The following SORBS2 variants were observed in gnomAD, a reference collection of about 807,000 sequenced individuals.
SORBS2 encodes sorbin and SH3 domain containing 2, also known as sorbin and SH3 domain-containing protein 2.
Under a neutral mutation model 97.7 loss-of-function variants are expected in SORBS2, and 46 were observed. The ratio of observed to expected loss-of-function variants is 0.47; its 90% confidence interval spans 0.37 to 0.60. The LOEUF (loss-of-function observed/expected upper bound fraction) is 0.60. Ranked by LOEUF, SORBS2 falls within the 20% of genes least tolerant of loss-of-function variation. The pLI is 0.00. For missense variants in SORBS2, 1,316 were observed against 1,282.3 expected (o/e 1.03, Z -0.40); for synonymous variants, 476 against 473.4 (o/e 1.01, Z -0.07).
intron 1 of SORBS2, among the ~76,000 whole-genome samples, chr4:185,861,888 C>T (rs1181741870): frequency 2.6e-5 from 4 of 152,142 alleles, no homozygotes; most frequent in Admixed American, 6.6e-5. Context: ...TGAGCCACTG[C>T]GCCCAGCCCT....
intron 2 of SORBS2, among the ~76,000 whole-genome samples, chr4:185,715,205 A>T (rs1371100182): frequency 6.6e-6 from 1 of 152,250 alleles, no homozygotes; most frequent in Admixed American, 6.5e-5. Flanking sequence ...TAAGACTAAA[A>T]GTAGAAGTTA....
chr4:185,591,578 CTG>C (rs1239748514), intron 13 of SORBS2, among the ~76,000 whole-genome samples: 1 of 152,162 alleles, frequency 6.6e-6, no homozygotes, highest in African/African-American at 2.4e-5. Flanking sequence ...TTTTGTGTAT[CTG>C]TGGGGAAAGT....
rs1041471682 is a variant in SORBS2, at chr4:185,585,803, G to A, written c.*1824C>T. 10 of 152,210 alleles carry A rather than the reference G, an allele frequency of 6.6e-5. No homozygotes were observed. The South Asian group carries it at 2.1e-3, about 32-fold the overall frequency. 9.4% of individuals were successfully genotyped at this position (152,210 alleles called of 1,614,324 possible). On this transcript the variant is annotated 3_prime_UTR_variant, in exon 15 of 15. Transcript: ENST00000418609. ...CTGAAGCCTTTAAAATATGAAGCTG[G>A]TTATGAACTTGACAGAAATCAAGGT...
chr4:185,819,745 G>A (rs1471583533), intron 1 of SORBS2, among the ~76,000 whole-genome samples: 1 of 152,132 alleles, frequency 6.6e-6, no homozygotes, highest in Non-Finnish European at 1.5e-5. Context: ...TCCTGCCTGG[G>A]GGTGTCCTTG....
intron 1 of SORBS2, among the ~76,000 whole-genome samples, chr4:185,925,966 A>C (rs1169292091): frequency 6.6e-6 from 1 of 152,200 alleles, no homozygotes; most frequent in African/African-American, 2.4e-5. Flanking sequence ...CTTTGATGGA[A>C]GGGAGGAGCG....
intron 2 of SORBS2, among the ~76,000 whole-genome samples, chr4:185,766,759 T>A (rs2098936231): frequency 6.6e-6 from 1 of 152,216 alleles, no homozygotes; most frequent in Non-Finnish European, 1.5e-5. Context: ...CATGTCAAGA[T>A]CTAGCATTAA....
chr4:185,626,977 G>A (rs764547989), exon 6 of SORBS2: 127 of 1,614,038 alleles, frequency 7.9e-5, no homozygotes, highest in Non-Finnish European at 1.0e-4. Flanking sequence ...CTGCAGGCTC[G>A]CTCTTCCTCC....
At chr4:185,933,187 A>C (rs1329435181) in intron 1 of SORBS2, 2 of 152,228 alleles carry the variant, frequency 1.3e-5, no homozygotes, top group African/African-American at 4.8e-5. Context: ...CAAAGGCAGT[A>C]CGGTGCTCAT....
chr4:185,829,227 T>A (rs1397743424), intron 1 of SORBS2, among the ~76,000 whole-genome samples: 2 of 152,190 alleles, frequency 1.3e-5, no homozygotes, highest in African/African-American at 2.4e-5. Context: ...GGTCTAATAT[T>A]AAAATACTGG....
At chr4:185,694,252 G>A (rs2098138629) in intron 2 of SORBS2, among the ~76,000 whole-genome samples, 2 of 152,170 alleles carry the variant, frequency 1.3e-5, no homozygotes, top group African/African-American at 4.8e-5. Context: ...TACATAACAA[G>A]CACAGATTAT....
At chr4:185,752,859 T>G (rs2098809473) in intron 2 of SORBS2, among the ~76,000 whole-genome samples, 1 of 152,238 alleles carries the variant, frequency 6.6e-6, no homozygotes, top group Non-Finnish European at 1.5e-5. Flanking sequence ...CTGAAGAATC[T>G]GTATCCCTTT....
chr4:185,704,118 A>G (rs2098305210), intron 2 of SORBS2, among the ~76,000 whole-genome samples: 2 of 152,156 alleles, frequency 1.3e-5, no homozygotes, highest in African/African-American at 4.8e-5. Context: ...AATATTATCA[A>G]AAGTAAAGAC....
At chr4:185,709,173 C>G (rs1330483203) in intron 2 of SORBS2, among the ~76,000 whole-genome samples, 1 of 152,226 alleles carries the variant, frequency 6.6e-6, no homozygotes, top group Non-Finnish European at 1.5e-5. Flanking sequence ...CATGCACCAC[C>G]ACACCCAGCT....
chr4:185,766,051 C>T (rs13105380), intron 2 of SORBS2, among the ~76,000 whole-genome samples: 39,447 of 152,136 alleles, frequency 0.26, 5,392 homozygotes, highest in Admixed American at 0.34. Context: ...TAAGAGATGT[C>T]ACTCTGTAAG....
chr4:185,863,903 T>C lies in SORBS2; in HGVS notation c.-337-88537A>G, dbSNP rs531086985. ...AAGGGCTATATTTAACAATATGGGGTTCTTTAATTTTTTAGCTATGAAATA... is the reference window on the plus strand; with the variant it reads ...AAGGGCTATATTTAACAATATGGGGCTCTTTAATTTTTTAGCTATGAAATA... On this transcript the variant is annotated intron_variant, in intron 1 of 20. Transcript: ENST00000284776. 1.8e-3 allele frequency among the ~76,000 whole-genome samples: 270 copies of C among 152,300 alleles called. 1 individual carries two copies. Among genetic ancestry groups the C allele is most frequent in the African/African-American group, 6.1e-3 (253 of 41,568 alleles).
chr4:185,710,118 G>A (rs62334777), intron 2 of SORBS2, among the ~76,000 whole-genome samples: 1 of 98,590 alleles, frequency 1.0e-5, no homozygotes, highest in African/African-American at 3.2e-5. Context: ...TTTTCCCAAG[G>A]TTGAAGATCC....
chr4:185,822,743 C>A (rs1033566648), intron 1 of SORBS2, among the ~76,000 whole-genome samples: 2 of 152,140 alleles, frequency 1.3e-5, no homozygotes, highest in Non-Finnish European at 2.9e-5. Flanking sequence ...GCACCACAGG[C>A]AAAACAAGGT....
chr4:185,796,487 G>A (rs1247256831), intron 1 of SORBS2, among the ~76,000 whole-genome samples: 1 of 147,978 alleles, frequency 6.8e-6, no homozygotes, highest in African/African-American at 2.5e-5. Context: ...CCTGGTCACG[G>A]TGAGGCTGGG....
intron 1 of SORBS2, among the ~76,000 whole-genome samples, chr4:185,837,062 T>C (rs117886675): frequency 0.011 from 1,717 of 152,348 alleles, 23 homozygotes; most frequent in East Asian, 0.046. Context: ...AGAGACTTTA[T>C]ATTATTCACA....
Sources: allele counts gnomAD v4.1 joint callset (sites outside exome capture counted in the v4.1 genomes callset), GRCh38; gene constraint gnomAD v4.1.1; transcripts MANE v1.5; gene names NCBI Gene and HGNC (gene_info 2026-07-23, HGNC 2026-07-21).